DPYSL5: variants seen among roughly 807,000 people sequenced by gnomAD.
The protein encoded by DPYSL5 is dihydropyrimidinase-related protein 5.
Under a neutral mutation model 58.4 loss-of-function variants are expected in DPYSL5, and 9 were observed. That is an observed-to-expected ratio of 0.15 (90% CI 0.09 to 0.27). The LOEUF is 0.27. DPYSL5 is among the 10% of genes least tolerant of loss of function. The pLI is 1.00. For synonymous variants in DPYSL5, 293 were observed against 301.9 expected (o/e 0.97, Z 0.31); for missense variants, 499 against 770.6 (o/e 0.65, Z 4.17).
At chr2:26,860,571 T>C (rs1184072853) in intron 1 of DPYSL5, among the ~76,000 whole-genome samples, 1 of 152,212 alleles carries the variant, frequency 6.6e-6, no homozygotes, top group African/African-American at 2.4e-5. Flanking sequence ...ATGTGCTTGA[T>C]GAAAAATAGG....
rs1665097002 is a variant in DPYSL5 at position 26,933,764 on chromosome 2, C to T, written c.790+431C>T. Among the ~76,000 whole-genome samples, 1 of 152,094 alleles carries T rather than the reference C, an allele frequency of 6.6e-6. No individual in the cohort carries two copies. The highest frequency in any genetic ancestry group is 1.5e-5 in the Non-Finnish European group (1 of 68,014). ...AAAGAACAGTGTGTGGGCCCAGCTT[C>T]CTTTTAGCCTCCTGGAACCCTGTGT... On this transcript the variant is annotated intron_variant, in intron 7 of 12. Coordinates refer to ENST00000288699, the MANE Select transcript of DPYSL5 (RefSeq NM_020134.4). This position sits in a 1 kb window ranked among gnomAD's most constrained non-coding sequence, Gnocchi z 4.2.
intron 1 of DPYSL5, among the ~76,000 whole-genome samples, chr2:26,889,261 G>C (rs1414861639): frequency 6.6e-6 from 1 of 151,962 alleles, no homozygotes; most frequent in African/African-American, 2.4e-5. Flanking sequence ...TGGCCTTCTG[G>C]AGAGCTTATA....
At chr2:26,896,881 G>C (rs1245471115) in intron 1 of DPYSL5, among the ~76,000 whole-genome samples, 1 of 152,166 alleles carries the variant, frequency 6.6e-6, no homozygotes, top group Non-Finnish European at 1.5e-5. Context: ...TTTTTAGTTT[G>C]ACGCAATCCC....
intron 2 of DPYSL5, among the ~76,000 whole-genome samples, chr2:26,904,925 G>A (rs538207175): frequency 1.3e-5 from 2 of 152,238 alleles, no homozygotes; most frequent in South Asian, 4.1e-4. Flanking sequence ...AAAAACAGGA[G>A]TTTGAGGTTG....
intron 5 of DPYSL5, among the ~76,000 whole-genome samples, chr2:26,928,896 C>G (rs72851862): frequency 0.012 from 1,860 of 151,522 alleles, 50 homozygotes; most frequent in African/African-American, 0.043. Context: ...AGACAAAAGA[C>G]AGACTGAAAA....
rs865849871 is a variant in DPYSL5, at chr2:26,934,717, C to T, written c.930C>T (p.Leu310=). 8 of 1,614,130 alleles carry T rather than the reference C, an allele frequency of 5.0e-6. No individual in the cohort carries two copies. The highest frequency in any genetic ancestry group is 2.2e-5 in the East Asian group (1 of 44,886). Residue 310 remains leucine, a synonymous_variant, in exon 8 of 13, where the codon CTC becomes CTT. Transcript: ENST00000288699. This position sits in a 1 kb window ranked among gnomAD's most constrained non-coding sequence, Gnocchi z 4.3. ...TGGACACCAACACCTCAACCTACCT[C>T]ATGAGCCTGCTGGCCAAGTAAGGCG... ...LRLDTNTSTY[L]MSLLANDTLN... is the part of the protein sequence containing the mutation.
chr2:26,910,522 T>C (rs1262107690), intron 2 of DPYSL5, among the ~76,000 whole-genome samples: 2 of 152,108 alleles, frequency 1.3e-5, no homozygotes, highest in Non-Finnish European at 2.9e-5. Flanking sequence ...TTCAGTGAAG[T>C]GTCTGCTCAC....
intron 1 of DPYSL5, among the ~76,000 whole-genome samples, chr2:26,884,498 G>A (rs375788518): frequency 8.2e-5 from 12 of 145,940 alleles, no homozygotes; most frequent in African/African-American, 2.6e-4. Context: ...ACACATCAAC[G>A]CACAGCTAAG....
chr2:26,884,908 G>T (rs190249686), intron 1 of DPYSL5, among the ~76,000 whole-genome samples: 1 of 152,002 alleles, frequency 6.6e-6, no homozygotes, highest in African/African-American at 2.4e-5. Flanking sequence ...TTTAAAAACC[G>T]TCTCAGGAGG....
chr2:26,942,252 T>G lies in DPYSL5; in HGVS notation c.1232+160T>G, dbSNP rs1027773366. Among the ~76,000 whole-genome samples the G allele has an allele frequency of 6.6e-6, 1 of 152,246 alleles. No homozygotes were observed. Among genetic ancestry groups the G allele is most frequent in the Non-Finnish European group, 1.5e-5 (1 of 68,052 alleles). Reference sequence around the variant, plus strand: ...CTTCTCCCTCCATCTTCACACAGTCTTTCTTCCGTGTCACACATGTCTGGT... The same window carrying G: ...CTTCTCCCTCCATCTTCACACAGTCGTTCTTCCGTGTCACACATGTCTGGT... On this transcript the variant is annotated intron_variant, in intron 10 of 12. Transcript: ENST00000288699. This position sits in a 1 kb window ranked among gnomAD's most constrained non-coding sequence, Gnocchi z 5.9.
chr2:26,884,288 C>A (rs994642081), intron 1 of DPYSL5, among the ~76,000 whole-genome samples: 2 of 152,180 alleles, frequency 1.3e-5, no homozygotes, highest in African/African-American at 2.4e-5. Flanking sequence ...GTCTGTCCTT[C>A]TTCCAGGACC....
chr2:26,882,007 C>T lies in DPYSL5; in HGVS notation c.-4-16489C>T, dbSNP rs535871494. ...TCGGGAGGCTGAGGCAGGAGAATGG[C>T]GTGAACGCGGGAGGCAGAGCTTGCA... On this transcript the variant is annotated intron_variant, in intron 1 of 12. Transcript: ENST00000288699. Among the ~76,000 whole-genome samples, 7 of 145,586 alleles carry T rather than the reference C, an allele frequency of 4.8e-5. No individual in the cohort carries two copies. In the South Asian group the frequency reaches 1.6e-3, roughly 33 times the overall value.
rs1261150946 is a variant in DPYSL5 at position 26,927,199 on chromosome 2, C to T, written c.421-54C>T. ...CCATGCTGGGCCGGTGCCTGCCAGT[C>T]GGCCTCTTGGGTGTCTGCCCTCACG... On this transcript the variant is annotated intron_variant, in intron 3 of 12. Transcript: ENST00000288699. The surrounding 1 kb of genome is among the most constrained non-coding windows in gnomAD (Gnocchi z 4.3). 21 of 1,547,324 alleles carry T rather than the reference C, an allele frequency of 1.4e-5. No homozygotes were observed. In the Admixed American group the frequency reaches 2.6e-4, roughly 20 times the overall value.
intron 8 of DPYSL5, among the ~76,000 whole-genome samples, chr2:26,935,205 C>G (rs899619459): frequency 2.0e-5 from 3 of 152,132 alleles, no homozygotes; most frequent in African/African-American, 7.2e-5. Context: ...CTTTCTCCCC[C>G]TTTCCTTCCC....
At chr2:26,935,515 C>T (rs935913591) in intron 8 of DPYSL5, among the ~76,000 whole-genome samples, 1 of 151,908 alleles carries the variant, frequency 6.6e-6, no homozygotes, top group Non-Finnish European at 1.5e-5. Flanking sequence ...TGGTAAAACC[C>T]TGTCTCTACT....
At chr2:26,887,625 T>A (rs889392121) in intron 1 of DPYSL5, among the ~76,000 whole-genome samples, 1 of 152,198 alleles carries the variant, frequency 6.6e-6, no homozygotes, top group East Asian at 1.9e-4. Flanking sequence ...CCTATGCAGT[T>A]CTGCATTGGA....
chr2:26,868,651 G>A (rs1450137630), intron 1 of DPYSL5, among the ~76,000 whole-genome samples: 1 of 152,098 alleles, frequency 6.6e-6, no homozygotes, highest in African/African-American at 2.4e-5. Flanking sequence ...CTGCTACCAA[G>A]CACTCTATTC....
chr2:26,884,541 C>CACAT (rs1442804064), intron 1 of DPYSL5, among the ~76,000 whole-genome samples: 6 of 152,024 alleles, frequency 3.9e-5, no homozygotes, highest in Non-Finnish European at 7.4e-5. Context: ...CACACACACA[C>CACAT]ACACACACAC....
At chr2:26,859,824 G>A (rs896245059) in intron 1 of DPYSL5, among the ~76,000 whole-genome samples, 1 of 152,170 alleles carries the variant, frequency 6.6e-6, no homozygotes, top group Non-Finnish European at 1.5e-5. Flanking sequence ...AGTGCTGCCT[G>A]GCAAGGGAGA....
Sources: allele counts gnomAD v4.1 joint callset (sites outside exome capture counted in the v4.1 genomes callset), GRCh38; gene constraint gnomAD v4.1.1; non-coding constraint Gnocchi (gnomAD v3.1); transcripts MANE v1.5; gene names NCBI Gene and HGNC (gene_info 2026-07-23, HGNC 2026-07-21).